Variants in TRPM8 observed in about 807,000 individuals in gnomAD.
TRPM8 encodes the protein transient receptor potential cation channel subfamily M member 8.
In TRPM8, 110 loss-of-function variants were observed where a neutral mutation model predicts 133.7. That is an observed-to-expected ratio of 0.82 (90% CI 0.70 to 0.96). TRPM8 has a LOEUF of 0.96. Among genes scored for constraint, TRPM8 ranks in the 40% least tolerant of loss-of-function variants. The probability of loss-of-function intolerance (pLI) is 0.00; values close to 1 mark genes in which losing one functional copy is unlikely to be tolerated. For synonymous variants in TRPM8, 535 were observed against 532.3 expected (o/e 1.01, Z -0.07); for missense variants, 1,291 against 1,379.5 (o/e 0.94, Z 1.02).
At chr2:233,991,486 C>A (rs1692275889) in intron 21 of TRPM8, among the ~76,000 whole-genome samples, 1 of 152,154 alleles carries the variant, frequency 6.6e-6, no homozygotes, top group African/African-American at 2.4e-5. Flanking sequence ...GGCCATGGGG[C>A]AGTACTGGCT....
chr2:233,959,618 C>T (rs895214907), intron 11 of TRPM8, among the ~76,000 whole-genome samples: 11 of 151,948 alleles, frequency 7.2e-5, no homozygotes, highest in Non-Finnish European at 1.5e-4. Flanking sequence ...GCAGCTTTTA[C>T]TGTTAACTCG....
rs11563061 is a variant in TRPM8 at position 233,931,775 on chromosome 2, C to T, written c.191+1034C>T. On this transcript the variant is annotated intron_variant, in intron 3 of 25. Transcript: ENST00000324695. ...CTGCCTTGTCACTGGTAAAAACATA[C>T]GCATCATGAGTCATTCTGACAAAGT... Among the ~76,000 whole-genome samples the T allele has an allele frequency of 0.015, 2,315 of 152,312 alleles. 219 individuals carry two copies. The East Asian group carries it at 0.23, about 15-fold the overall frequency.
chr2:234,008,665 A>C (rs1692757489), intron 24 of TRPM8, among the ~76,000 whole-genome samples: 1 of 152,194 alleles, frequency 6.6e-6, no homozygotes, highest in Non-Finnish European at 1.5e-5. Context: ...TTGGTATTCT[A>C]TCACGTTAGT....
chr2:233,922,552 A>C (rs1479380844), intron 1 of TRPM8, among the ~76,000 whole-genome samples: 1 of 152,116 alleles, frequency 6.6e-6, no homozygotes, highest in East Asian at 1.9e-4. Context: ...AAAAACCTCT[A>C]CCACGTCATC....
intron 9 of TRPM8, 66 bp downstream of exon 9, chr2:233,950,212 C>G: frequency 6.8e-7 from 1 of 1,474,182 alleles, no homozygotes; most frequent in African/African-American, 1.4e-5. Context: ...GGGAGAATGC[C>G]TTAAACGCCC....
At chr2:233,982,526 T>C (rs1400860621) in intron 19 of TRPM8, among the ~76,000 whole-genome samples, 2 of 152,214 alleles carry the variant, frequency 1.3e-5, no homozygotes, top group African/African-American at 4.8e-5. Flanking sequence ...CTGAGGTTCT[T>C]TGAGTTTGTG....
chr2:234,007,024 T>G, intron 23 of TRPM8, 72 bp downstream of exon 23: 1 of 1,118,766 alleles, frequency 8.9e-7, no homozygotes, highest in Non-Finnish European at 1.3e-6. Flanking sequence ...GTAGGCAGCT[T>G]ATTTGAGCAA....
At chr2:234,005,658 C>T (rs1288712617) in intron 22 of TRPM8, among the ~76,000 whole-genome samples, 1 of 152,146 alleles carries the variant, frequency 6.6e-6, no homozygotes, top group African/African-American at 2.4e-5. Context: ...AGCCTGTAAT[C>T]CCAGAACTTT....
intron 5 of TRPM8, among the ~76,000 whole-genome samples, chr2:233,939,387 C>T (rs1690847582): frequency 6.6e-6 from 1 of 152,216 alleles, no homozygotes; most frequent in African/African-American, 2.4e-5. Context: ...AACTCTAAAT[C>T]AGCGTTAAGG....
intron 17 of TRPM8, 118 bp downstream of exon 17, chr2:233,970,544 A>T (rs1391504071): frequency 1.0e-6 from 1 of 994,514 alleles, no homozygotes; most frequent in Admixed American, 1.9e-5. Context: ...CCCAAAATAA[A>T]TGTTCTCTTT....
chr2:233,926,001 C>A (rs968946600), intron 1 of TRPM8, among the ~76,000 whole-genome samples: 1 of 152,164 alleles, frequency 6.6e-6, no homozygotes, highest in Non-Finnish European at 1.5e-5. Context: ...GCGTTAGAGT[C>A]TCAGGATGAC....
chr2:233,927,858 TTCTCTTTC>T (rs1691583249), intron 2 of TRPM8, among the ~76,000 whole-genome samples: 1 of 44,158 alleles, frequency 2.3e-5, no homozygotes, highest in African/African-American at 1.6e-4. Flanking sequence ...CTTCCTTTCT[TTCTCTTTC>T]TTTCTTTCTT....
intron 2 of TRPM8, 123 bp downstream of exon 2, chr2:233,926,777 C>T (rs1691526119): frequency 9.7e-6 from 7 of 719,154 alleles, no homozygotes; most frequent in Non-Finnish European, 1.7e-5. Context: ...ATTCCTTTCA[C>T]TACTTAATGC....
chr2:234,016,878 G>A (rs188818520), intron 25 of TRPM8, among the ~76,000 whole-genome samples: 245 of 152,148 alleles, frequency 1.6e-3, no homozygotes, highest in African/African-American at 3.4e-3. Context: ...CTGCACTTAC[G>A]TTCTAGTTCA....
chr2:233,974,024 A>G (rs1691801486), intron 17 of TRPM8, among the ~76,000 whole-genome samples: 1 of 152,194 alleles, frequency 6.6e-6, no homozygotes, highest in African/African-American at 2.4e-5. Flanking sequence ...GGACAAAAAG[A>G]CAGCATTCCC....
In TRPM8 at chr2:233,939,201, G is replaced by GT. The variant is rs138349299; in HGVS notation, c.526+28dup. 4,142 of 1,610,768 alleles carry GT rather than the reference G, an allele frequency of 2.6e-3. 109 individuals are homozygous for GT. The African/African-American group carries it at 0.05, about 19-fold the overall frequency. ...GTGAGGGTGGGAGCAGCGACCGCGG[G>GT]TTCTTCCATTCGGGCTGCACCAAGT... On this transcript the variant is annotated intron_variant, in intron 5 of 25. Coordinates refer to ENST00000324695, the MANE Select transcript of TRPM8 (RefSeq NM_024080.5).
At chr2:234,009,390 C>A (rs980256894) in intron 24 of TRPM8, among the ~76,000 whole-genome samples, 1 of 152,216 alleles carries the variant, frequency 6.6e-6, no homozygotes, top group South Asian at 2.1e-4. Flanking sequence ...CAAGCCACAC[C>A]TTGGTCCTGA....
At chr2:233,942,907 C>A in intron 6 of TRPM8, 159 bp downstream of exon 6, 1 of 749,208 alleles carries the variant, frequency 1.3e-6, no homozygotes, top group Non-Finnish European at 2.3e-6. Flanking sequence ...GAATTGAAAA[C>A]AAGGATGACG....
intron 13 of TRPM8, among the ~76,000 whole-genome samples, 160 bp downstream of exon 13, chr2:233,963,537 T>G (rs932157117): frequency 6.6e-6 from 1 of 151,778 alleles, no homozygotes; most frequent in Non-Finnish European, 1.5e-5. Flanking sequence ...GGTGAAGGAG[T>G]GCTTGGGAGG....
Sources: allele counts gnomAD v4.1 joint callset (sites outside exome capture counted in the v4.1 genomes callset), GRCh38; gene constraint gnomAD v4.1.1; transcripts MANE v1.5; gene names NCBI Gene and HGNC (gene_info 2026-07-23, HGNC 2026-07-21).